PCNX1: variants seen among roughly 807,000 people sequenced by gnomAD.
PCNX1 encodes pecanex-like protein 1.
In PCNX1, 78 loss-of-function variants were observed where a neutral mutation model predicts 242.2. The observed-to-expected ratio is 0.32, with a 90% CI of 0.27 to 0.39. The LOEUF is 0.39. Ranked by LOEUF, PCNX1 falls within the 10% of genes least tolerant of loss-of-function variation. PCNX1 has a pLI of 1.00. For synonymous variants in PCNX1, 1,024 were observed against 1,032.9 expected, an observed-to-expected ratio of 0.99 and a Z score of 0.17; for missense variants, 2,581 against 2,856.5, an observed-to-expected ratio of 0.90 and a Z score of 2.20.
intron 28 of PCNX1, among the ~76,000 whole-genome samples, chr14:71,082,852 G>T (rs2061890205): frequency 6.6e-6 from 1 of 152,038 alleles, no homozygotes; most frequent in Non-Finnish European, 1.5e-5. Context: ...TTACATTTAA[G>T]GTTAATATTG....
At chr14:70,921,528 C>T (rs1035741894) in intron 1 of PCNX1, among the ~76,000 whole-genome samples, 1 of 152,082 alleles carries the variant, frequency 6.6e-6, no homozygotes, top group Admixed American at 6.6e-5. Context: ...ATAAAGATAG[C>T]TAATCTTAAC....
In PCNX1 at chr14:71,115,306, T is replaced by C. The variant is rs1203862416; in HGVS notation, c.*5371T>C. On this transcript the variant is annotated 3_prime_UTR_variant, in exon 36 of 36. Transcript: ENST00000304743. ...ATGGAAAATAAAAGCTGAGTTCTTT[T>C]GGCAAATATATTGCATCAAAAATAC... is the stretch of plus-strand genomic sequence containing the variant. 6.6e-6 allele frequency: 1 copy of C among 152,660 alleles called. No homozygotes were observed. The highest frequency in any genetic ancestry group is 1.5e-5 in the Non-Finnish European group (1 of 68,032). 9.5% of individuals were successfully genotyped at this position (152,660 alleles called of 1,614,324 possible).
chr14:70,976,782 T>C (rs770026352), intron 5 of PCNX1, among the ~76,000 whole-genome samples, 160 bp from the exon 6 acceptor site: 7 of 152,222 alleles, frequency 4.6e-5, no homozygotes, highest in Admixed American at 6.5e-5. Flanking sequence ...TAGAATGCTT[T>C]CTTTGTGCAG....
At chr14:71,098,742 T>G (rs555714229) in intron 30 of PCNX1, among the ~76,000 whole-genome samples, 1 of 152,308 alleles carries the variant, frequency 6.6e-6, no homozygotes, top group Admixed American at 6.5e-5. Flanking sequence ...TAGAATCATA[T>G]CAGCAGCAAA....
chr14:70,913,660 TAGTG>T (rs1206029540), intron 1 of PCNX1, among the ~76,000 whole-genome samples: 1 of 152,224 alleles, frequency 6.6e-6, no homozygotes, highest in East Asian at 1.9e-4. Context: ...TATCTTTTAT[TAGTG>T]AGGATTACGC....
chr14:70,992,659 G>A (rs1324697409), intron 7 of PCNX1, among the ~76,000 whole-genome samples: 3 of 152,182 alleles, frequency 2.0e-5, no homozygotes. Flanking sequence ...AATTAAGATT[G>A]CATGTCAGTG....
In PCNX1 at chr14:70,977,466, C is replaced by T. The variant is rs371108639; in HGVS notation, c.1129C>T (p.Arg377Trp). ...SMDSLRSLST[R>W]SSGSTESYCS... The stretch of plus-strand genomic sequence containing the variant: ...GGACAGCTTGAGGAGCCTGAGCACA[C>T]GGAGTAGTGGGTCAACAGAAAGCTA... The change falls in exon 6 of 36, where the codon CGG (arginine) becomes TGG (tryptophan). Residue 377 changes from arginine to tryptophan, a missense_variant. By Grantham distance (101) the Arg-to-Trp change is moderately radical. Coordinates refer to ENST00000304743, the MANE Select transcript of PCNX1 (RefSeq NM_014982.3). The T allele has an allele frequency of 1.9e-5, 30 of 1,613,956 alleles. No homozygotes were observed. Among genetic ancestry groups the T allele is most frequent in the Non-Finnish European group, 2.2e-5 (26 of 1,180,012 alleles).
chr14:70,916,132 A>G (rs1035270538), intron 1 of PCNX1, among the ~76,000 whole-genome samples: 4 of 152,184 alleles, frequency 2.6e-5, no homozygotes, highest in African/African-American at 7.2e-5. Context: ...GTGACATGCT[A>G]TTCTTACTTT....
intron 11 of PCNX1, among the ~76,000 whole-genome samples, chr14:71,014,560 A>G (rs1200169342): frequency 2.0e-5 from 3 of 152,224 alleles, no homozygotes; most frequent in African/African-American, 7.2e-5. Flanking sequence ...AAACTTAGAG[A>G]GTTGAAAACT....
intron 5 of PCNX1, among the ~76,000 whole-genome samples, chr14:70,975,394 C>A (rs1440886159): frequency 6.6e-6 from 1 of 152,084 alleles, no homozygotes; most frequent in Non-Finnish European, 1.5e-5. Context: ...TGTAATTGGA[C>A]ATTTATACAC....
chr14:71,043,865 T>C (rs2060783658), intron 19 of PCNX1, among the ~76,000 whole-genome samples: 2 of 152,250 alleles, frequency 1.3e-5, no homozygotes, highest in African/African-American at 4.8e-5. Flanking sequence ...AAAATTATTA[T>C]GTTCCTTTGG....
At chr14:71,055,640 T>TC in intron 25 of PCNX1, 78 bp downstream of exon 25, 2 of 801,148 alleles carry the variant, frequency 2.5e-6, no homozygotes, top group Non-Finnish European at 4.1e-6. Flanking sequence ...CACTCCTAAC[T>TC]TGTTGGGAAT....
At chr14:71,091,862 G>A (rs2062141942) in intron 30 of PCNX1, among the ~76,000 whole-genome samples, 1 of 152,216 alleles carries the variant, frequency 6.6e-6, no homozygotes. Flanking sequence ...GAGCTCAAAT[G>A]TTGGGAGTAT....
At chr14:70,941,645 C>T (rs760530673) in intron 1 of PCNX1, among the ~76,000 whole-genome samples, 1 of 152,236 alleles carries the variant, frequency 6.6e-6, no homozygotes, top group Non-Finnish European at 1.5e-5. Context: ...AGAACCACTA[C>T]TCTCTTCAAA....
chr14:71,105,576 A>G (rs1234991563), intron 33 of PCNX1, 136 bp downstream of exon 33: 2 of 626,568 alleles, frequency 3.2e-6, no homozygotes, highest in African/African-American at 3.8e-5. Context: ...TTTGAGATGG[A>G]GTCTTGCTCT....
At chr14:70,917,404 C>G (rs1287228472) in intron 1 of PCNX1, among the ~76,000 whole-genome samples, 1 of 152,148 alleles carries the variant, frequency 6.6e-6, no homozygotes, top group Admixed American at 6.6e-5. Flanking sequence ...CAAAATTACT[C>G]CTTGATCCAT....
chr14:70,981,845 A>T (rs1182450003), intron 6 of PCNX1, among the ~76,000 whole-genome samples: 2 of 152,084 alleles, frequency 1.3e-5, no homozygotes, highest in Non-Finnish European at 2.9e-5. Context: ...GTTATAGCAT[A>T]TTTTCTGTGT....
intron 5 of PCNX1, among the ~76,000 whole-genome samples, chr14:70,971,177 G>A (rs1191397560): frequency 1.3e-4 from 1 of 7,920 alleles, no homozygotes. Flanking sequence ...TCGCTCTGTC[G>A]CCCAGGCCGG....
Position 71,019,037 on chromosome 14 carries a change from G to A in PCNX1, c.3025G>A (p.Ala1009Thr), listed in dbSNP as rs749518175. The stretch of plus-strand genomic sequence containing the variant: ...TCGTGAGATCCTGGAAAATGTGTTA[G>A]CTGTCATCCTGGCTATTCTCGTGGC... ...RNREILENVLAVILAILVAFL... is the reference protein window; with the variant it reads ...RNREILENVLTVILAILVAFL... The change falls in exon 12 of 36, where the codon GCT becomes ACT. Residue 1009 changes from alanine to threonine, a missense_variant. Physicochemically the swap from Ala to Thr is moderately conservative, Grantham distance 58. This residue lies in a region of PCNX1 where 55 missense variants were observed against 49.8 expected (regional missense o/e 1.10). Transcript: ENST00000304743. The A allele has an allele frequency of 3.1e-6, 5 of 1,612,398 alleles. No homozygotes were observed. In the South Asian group the frequency reaches 5.5e-5, roughly 18 times the overall value.
Sources: allele counts gnomAD v4.1 joint callset (sites outside exome capture counted in the v4.1 genomes callset), GRCh38; gene constraint gnomAD v4.1.1; regional missense constraint gnomAD v4.1.1; transcripts MANE v1.5; gene names NCBI Gene and HGNC (gene_info 2026-07-23, HGNC 2026-07-21).